CHEK2: variants seen among roughly 807,000 people sequenced by gnomAD.
The protein encoded by CHEK2 is serine/threonine-protein kinase Chk2.
A neutral mutation model predicts 69.1 loss-of-function variants in CHEK2; 71 were observed. The observed-to-expected ratio is 1.03, with a 90% CI of 0.85 to 1.25. CHEK2 has a LOEUF of 1.25. Among genes scored for constraint, CHEK2 ranks in the 50% most tolerant of loss-of-function variants. The pLI is 0.00. For synonymous variants in CHEK2, 189 were observed against 226.9 expected, an observed-to-expected ratio of 0.83 and a Z score of 1.50; for missense variants, 664 against 649.6, an observed-to-expected ratio of 1.02 and a Z score of -0.24.
At chr22:28,702,358 C>T (rs1569125606) in intron 8 of CHEK2, among the ~76,000 whole-genome samples, 1 of 151,280 alleles carries the variant, frequency 6.6e-6, no homozygotes, top group Non-Finnish European at 1.5e-5. Flanking sequence ...CCTGCCTCAG[C>T]CTCCCGAGTA....
intron 5 of CHEK2, among the ~76,000 whole-genome samples, chr22:28,712,771 G>C (rs574748942): frequency 3.5e-4 from 53 of 152,296 alleles, no homozygotes; most frequent in South Asian, 6.2e-4. Flanking sequence ...GGGGTGAGTT[G>C]AGGGGCTTAC....
intron 2 of CHEK2, among the ~76,000 whole-genome samples, chr22:28,732,814 GA>G (rs931676789): frequency 6.6e-6 from 1 of 151,442 alleles, no homozygotes; most frequent in African/African-American, 2.4e-5. Context: ...TAAGCGAAAG[GA>G]AAAAAAACAC....
intron 8 of CHEK2, among the ~76,000 whole-genome samples, chr22:28,703,162 T>C (rs1000790457): frequency 1.3e-5 from 2 of 152,136 alleles, no homozygotes; most frequent in African/African-American, 4.8e-5. Flanking sequence ...ACAAGGACTC[T>C]GCATGTGGGG....
chr22:28,713,790 C>T (rs776163130), intron 5 of CHEK2, among the ~76,000 whole-genome samples: 9 of 151,966 alleles, frequency 5.9e-5, no homozygotes, highest in Non-Finnish European at 1.2e-4. Flanking sequence ...AAGCAATTCT[C>T]GTGCCTCAGC....
At chr22:28,720,126 T>C (rs979490506) in intron 4 of CHEK2, among the ~76,000 whole-genome samples, 2 of 149,240 alleles carry the variant, frequency 1.3e-5, no homozygotes, top group African/African-American at 4.9e-5. Flanking sequence ...AGTTTCACTC[T>C]GTTGCCCAGG....
At chr22:28,711,761 C>CA in intron 6 of CHEK2, 148 bp downstream of exon 6, 1 of 657,612 alleles carries the variant, frequency 1.5e-6, no homozygotes, top group Admixed American at 2.5e-5. Context: ...AAAGATGCCC[C>CA]AAAATTTTCC....
At chr22:28,727,442 T>C (rs547893668) in intron 2 of CHEK2, among the ~76,000 whole-genome samples, 20 of 152,296 alleles carry the variant, frequency 1.3e-4, no homozygotes, top group Non-Finnish European at 2.9e-4. Context: ...TTACCTTGCT[T>C]ATTTGTATAT....
At chr22:28,708,330 C>G (rs1444587236) in intron 7 of CHEK2, among the ~76,000 whole-genome samples, 1 of 145,232 alleles carries the variant, frequency 6.9e-6, no homozygotes, top group African/African-American at 2.5e-5. Context: ...TACACTGAAG[C>G]CTGGGTAACA....
chr22:28,706,064 C>T lies in CHEK2; in HGVS notation c.847-2498G>A, dbSNP rs142051273. Reference sequence around the variant, plus strand: ...ATCCCAGCCCTTTGGGAGGCTGAAGCGGGCAGATCACCAGGTCAAGAGATC... The same window carrying T: ...ATCCCAGCCCTTTGGGAGGCTGAAGTGGGCAGATCACCAGGTCAAGAGATC... On this transcript the variant is annotated intron_variant, in intron 7 of 14. Transcript: ENST00000404276. Among the ~76,000 whole-genome samples, 37 of 151,994 alleles carry T rather than the reference C, an allele frequency of 2.4e-4. No individual in the cohort carries two copies. In the East Asian group the frequency reaches 6.2e-3, roughly 26 times the overall value.
rs587782416 is a variant in CHEK2 at position 28,699,897 on chromosome 22, T to C, written c.949A>G (p.Lys317Glu). ...GELFDKVVGNKRLKEATCKLY... is the reference protein window; with the variant it reads ...GELFDKVVGNERLKEATCKLY... ...TTGCAGGTAGCTTCTTTCAGGCGTT[T>C]ATTCCCCACCACTTTGTCAAACAGC... Residue 317 changes from lysine to glutamate, a missense_variant, in exon 9 of 15, where the codon AAA becomes GAA. Transcript: ENST00000404276. 8 of 1,614,020 alleles carry C rather than the reference T, an allele frequency of 5.0e-6. No individual in the cohort carries two copies. The highest frequency in any genetic ancestry group is 5.9e-6 in the Non-Finnish European group (7 of 1,180,028).
chr22:28,701,978 T>C (rs1222245478), intron 8 of CHEK2, among the ~76,000 whole-genome samples: 3 of 147,800 alleles, frequency 2.0e-5, no homozygotes, highest in Non-Finnish European at 3.0e-5. Flanking sequence ...TGAGGCAGAG[T>C]CTCACTCCCA....
intron 9 of CHEK2, among the ~76,000 whole-genome samples, chr22:28,697,916 T>C (rs895663057): frequency 4.6e-5 from 7 of 151,260 alleles, no homozygotes; most frequent in Admixed American, 4.0e-4. Context: ...ATCCACAAAC[T>C]GTACTCAATT....
At chr22:28,734,776 CTTAAAA>C (rs780868185) in intron 1 of CHEK2, 49 bp from the exon 2 acceptor site, 93 of 1,421,816 alleles carry the variant, frequency 6.5e-5, no homozygotes, top group Non-Finnish European at 8.3e-5. Context: ...AGGCACAAGA[CTTAAAA>C]TTAAAAAGTA....
intron 14 of CHEK2, among the ~76,000 whole-genome samples, chr22:28,688,333 G>A (rs1273316477): frequency 5.3e-5 from 8 of 152,198 alleles, no homozygotes; most frequent in Non-Finnish European, 1.0e-4. Flanking sequence ...GGTCTTTTGC[G>A]GGAAGACAAC....
At position 28,703,548 on chromosome 22, in the gene CHEK2, T is replaced by TA. The variant is rs1280976864; in HGVS notation, c.864dup (p.Lys289Ter). On this transcript the variant is annotated frameshift_variant, in exon 8 of 15. Coordinates refer to ENST00000404276, the MANE Select transcript of CHEK2 (RefSeq NM_007194.4). LOFTEE classifies it high-confidence loss of function. Reference sequence around the variant, plus strand: ...TAATCTTCTGCATCAAAAAAGTTTTTAATCTTGATGATGCAAGGCTAAGAA... The same window carrying TA: ...TAATCTTCTGCATCAAAAAAGTTTTTAAATCTTGATGATGCAAGGCTAAGAA... 6.4e-7 allele frequency: 1 copy of TA among 1,560,990 alleles called. No individual in the cohort carries two copies. Among genetic ancestry groups the TA allele is most frequent in the Admixed American group, 1.8e-5 (1 of 57,122 alleles).
chr22:28,726,924 C>T (rs751709293), intron 2 of CHEK2, among the ~76,000 whole-genome samples: 11 of 151,138 alleles, frequency 7.3e-5, no homozygotes, highest in Non-Finnish European at 1.5e-4. Context: ...TTCAATCTGC[C>T]TTGTGGTCTT....
chr22:28,702,575 C>T (rs1345366764), intron 8 of CHEK2, among the ~76,000 whole-genome samples: 2 of 134,136 alleles, frequency 1.5e-5, no homozygotes, highest in African/African-American at 2.8e-5. Flanking sequence ...GATATGGAGT[C>T]TCACTCTGTG....
At chr22:28,692,326 A>G (rs1213289822) in intron 13 of CHEK2, among the ~76,000 whole-genome samples, 3 of 152,126 alleles carry the variant, frequency 2.0e-5, no homozygotes, top group Non-Finnish European at 2.9e-5. Flanking sequence ...CCCACATGCA[A>G]AGGCACCCTT....
At chr22:28,703,011 G>C (rs2052948872) in intron 8 of CHEK2, among the ~76,000 whole-genome samples, 1 of 152,026 alleles carries the variant, frequency 6.6e-6, no homozygotes, top group South Asian at 2.1e-4. Flanking sequence ...AAGTATTTTC[G>C]ATCTGAGGTT....
Sources: gnomAD v4.1 joint callset for allele counts (sites outside exome capture counted in the v4.1 genomes callset) on GRCh38, gnomAD v4.1.1 for gene constraint, MANE v1.5 for transcripts, NCBI Gene and HGNC (gene_info 2026-07-23, HGNC 2026-07-21) for gene names.